Variants in HPS4 observed in about 807,000 individuals in gnomAD.
HPS4 encodes HPS4 biogenesis of lysosomal organelles complex 3 subunit 2.
HPS4 carries 44 observed loss-of-function variants against 70.3 expected under a neutral mutation model. That is an observed-to-expected ratio of 0.63 (90% CI 0.49 to 0.80). HPS4 has a LOEUF of 0.80. Among genes scored for constraint, HPS4 ranks in the 30% least tolerant of loss-of-function variants. The probability of loss-of-function intolerance (pLI) is 0.00; values close to 1 mark genes in which losing one functional copy is unlikely to be tolerated. For missense variants in HPS4, 873 were observed against 884.4 expected (o/e 0.99, Z 0.16); for synonymous variants, 377 against 355.9 (o/e 1.06, Z -0.67).
intron 4 of HPS4, chr22:26,476,087 G>A (rs2090505604): frequency 5.9e-5 from 9 of 152,038 alleles, no homozygotes; most frequent in Admixed American, 5.9e-4. Context: ...GAGGATAAAG[G>A]AATGAATAGA....
At chr22:26,472,095 T>C (rs1286647868) in intron 6 of HPS4, among the ~76,000 whole-genome samples, 1 of 152,180 alleles carries the variant, frequency 6.6e-6, no homozygotes, top group Non-Finnish European at 1.5e-5. Context: ...CACTTGATCA[T>C]CAAAACAGTT....
chr22:26,466,186 C>T (rs771367084), intron 9 of HPS4, 40 bp downstream of exon 9: 7 of 1,613,608 alleles, frequency 4.3e-6, no homozygotes, highest in Non-Finnish European at 5.9e-6. Context: ...GCATAAAAGA[C>T]CGCCGTTCTC....
chr22:26,454,280 G>A (rs2085696389), intron 13 of HPS4, among the ~76,000 whole-genome samples: 1 of 152,200 alleles, frequency 6.6e-6, no homozygotes, highest in South Asian at 2.1e-4. Context: ...GGAGGGCTCC[G>A]AGGCCAGATG....
At chr22:26,448,060 G>A (rs138606592), downstream of HPS4, among the ~76,000 whole-genome samples, 29 of 152,340 alleles carry the variant, frequency 1.9e-4, no homozygotes, top group African/African-American at 5.5e-4. Context: ...GCTGCAGGGC[G>A]AGCTGGAATT....
At chr22:26,481,276 T>A (rs2147027259) in intron 2 of HPS4, among the ~76,000 whole-genome samples, 1 of 152,248 alleles carries the variant, frequency 6.6e-6, no homozygotes, top group South Asian at 2.1e-4. Context: ...TAAACCTAAT[T>A]ATGGGAAAGG....
chr22:26,466,191 G>A (rs969747539), intron 9 of HPS4, 35 bp downstream of exon 9: 10 of 1,613,642 alleles, frequency 6.2e-6, no homozygotes, highest in Middle Eastern at 1.6e-4. Flanking sequence ...AAAGACCGCC[G>A]TTCTCAAGAG....
downstream of HPS4, chr22:26,443,279 C>T: frequency 7.9e-7 from 1 of 1,273,394 alleles, no homozygotes; most frequent in Non-Finnish European, 1.1e-6. Flanking sequence ...CGGTCCAGTC[C>T]CTACCGGTGT....
Position 26,457,853 on chromosome 22 carries a change from G to A in HPS4, c.1955+6C>T, listed in dbSNP as rs752326891. The A allele has an allele frequency of 4.3e-6, 7 of 1,609,858 alleles. No homozygotes were observed. Among genetic ancestry groups the A allele is most frequent in the Non-Finnish European group, 6.0e-6 (7 of 1,176,118 alleles). On this transcript the variant is annotated splice_donor_region_variant and intron_variant, in intron 13 of 13. Transcript: ENST00000398145. ...GTAGGTTGGGGAGCGACTCAGGGAG[G>A]CTCACCTGACAGTCATTTCATAAAG...
In HPS4 at chr22:26,452,795, G is replaced by A. The variant is rs899956428; in HGVS notation, c.*438C>T. On this transcript the variant is annotated 3_prime_UTR_variant, in exon 14 of 14. Coordinates refer to ENST00000398145, the MANE Select transcript of HPS4 (RefSeq NM_022081.6). ...GGCCTGCTCACAGATCCGGCACCTCGCTGTGCAGTCACACCGCCTACCACC... is the reference window on the plus strand; with the variant it reads ...GGCCTGCTCACAGATCCGGCACCTCACTGTGCAGTCACACCGCCTACCACC... 1.2e-5 allele frequency: 3 copies of A among 255,496 alleles called. No individual in the cohort carries two copies. Among genetic ancestry groups the A allele is most frequent in the African/African-American group, 4.5e-5 (2 of 44,070 alleles). 15.8% of individuals were successfully genotyped at this position (255,496 alleles called of 1,614,324 possible).
At chr22:26,443,416 T>G, downstream of HPS4, 1 of 521,160 alleles carries the variant, frequency 1.9e-6, no homozygotes, top group Non-Finnish European at 3.4e-6. Context: ...TTAGATTTTT[T>G]TTTTTTCCTT....
At chr22:26,457,833 T>A in intron 13 of HPS4, 26 bp downstream of exon 13, 1 of 1,568,880 alleles carries the variant, frequency 6.4e-7, no homozygotes, top group Non-Finnish European at 8.8e-7. Context: ...GGAGAGTAGG[T>A]TGGGGAGCGA....
In HPS4 at chr22:26,451,184, G is replaced by C. The variant is rs957504326; in HGVS notation, c.*2049C>G. Among the ~76,000 whole-genome samples, 1 of 152,222 alleles carries C rather than the reference G, an allele frequency of 6.6e-6. No homozygotes were observed. The highest frequency in any genetic ancestry group is 1.5e-5 in the Non-Finnish European group (1 of 68,042). On this transcript the variant is annotated 3_prime_UTR_variant, in exon 14 of 14. Transcript: ENST00000398145. ...GAGGTTGTGGTGCCCATTCCAGCAA[G>C]AACATGCTGCTTGGCTGTCCGTCGC... is the stretch of plus-strand genomic sequence containing the variant.
chr22:26,474,615 G>A (rs1318624677), intron 4 of HPS4, among the ~76,000 whole-genome samples: 1 of 151,942 alleles, frequency 6.6e-6, no homozygotes, highest in Admixed American at 6.5e-5. Context: ...AAAAACTTCT[G>A]CTCATCAAAA....
rs1370395649 is a variant in HPS4, at chr22:26,452,457, A to C, written c.*776T>G. On this transcript the variant is annotated 3_prime_UTR_variant, in exon 14 of 14. Transcript: ENST00000398145. ...ATCTTGTAAACTCCTATTTAGGGACACTCGCTCGAGAGGAACCAGCTGCAC... is the reference window on the plus strand; with the variant it reads ...ATCTTGTAAACTCCTATTTAGGGACCCTCGCTCGAGAGGAACCAGCTGCAC... 1 of 437,706 alleles carries C rather than the reference A, an allele frequency of 2.3e-6. No individual in the cohort carries two copies. The allele number at this position is 437,706 out of a possible 1,614,324, so 27.1% of individuals were successfully genotyped here. A position where few individuals can be genotyped will look rare whatever the true frequency, so the allele number is the denominator to read the frequency against.
chr22:26,471,703 C>T (rs1399812106), intron 6 of HPS4, among the ~76,000 whole-genome samples: 1 of 152,102 alleles, frequency 6.6e-6, no homozygotes, highest in African/African-American at 2.4e-5. Context: ...AGTGCTACAC[C>T]CCTGCTACAG....
At chr22:26,453,655 C>A in intron 13 of HPS4, 1 of 546,712 alleles carries the variant, frequency 1.8e-6, no homozygotes, top group South Asian at 2.0e-5. Flanking sequence ...GCAGCAGCCA[C>A]AGATCCTGGA....
rs1429605141 is a variant in HPS4 at position 26,465,333 on chromosome 22, CAG to C, written c.803+120_803+121del. On this transcript the variant is annotated intron_variant, in intron 10 of 13. Coordinates refer to ENST00000398145, the MANE Select transcript of HPS4 (RefSeq NM_022081.6). ...AAGATTCAGATGCTCCTTTACAAGA[CAG>C]GGCATGGGGAAGATGGAATTAAGGA... 5.4e-6 allele frequency: 4 copies of C among 745,668 alleles called. No homozygotes were observed. The Admixed American group carries it at 5.9e-5, about 11-fold the overall frequency. The allele number at this position is 745,668 out of a possible 1,614,324, so 46.2% of individuals were successfully genotyped here. A position where few individuals can be genotyped will look rare whatever the true frequency, so the allele number is the denominator to read the frequency against.
At chr22:26,474,924 AT>A (rs769053391) in intron 4 of HPS4, among the ~76,000 whole-genome samples, 1 of 152,116 alleles carries the variant, frequency 6.6e-6, no homozygotes, top group African/African-American at 2.4e-5. Flanking sequence ...CAGACTGTCA[AT>A]CTCAATGCTG....
At chr22:26,475,177 G>A (rs1319306541) in intron 4 of HPS4, among the ~76,000 whole-genome samples, 1 of 152,080 alleles carries the variant, frequency 6.6e-6, no homozygotes, top group Non-Finnish European at 1.5e-5. Context: ...ACACAGTTCA[G>A]ATGTCCATCA....
Sources: allele counts gnomAD v4.1 joint callset (sites outside exome capture counted in the v4.1 genomes callset), GRCh38; gene constraint gnomAD v4.1.1; transcripts MANE v1.5; gene names NCBI Gene and HGNC (gene_info 2026-07-23, HGNC 2026-07-21).